The following DAB1 variants were observed in gnomAD, a reference collection of about 807,000 sequenced individuals.
DAB1 encodes the protein DAB adaptor protein 1.
Under a neutral mutation model 64.6 loss-of-function variants are expected in DAB1, and 15 were observed. That is an observed-to-expected ratio of 0.23 (90% confidence interval 0.16 to 0.36). The LOEUF (loss-of-function observed/expected upper bound fraction) is 0.36. Ranked by LOEUF, DAB1 falls within the 10% of genes least tolerant of loss-of-function variation. The probability of loss-of-function intolerance (pLI) is 1.00; values close to 1 mark genes in which losing one functional copy is unlikely to be tolerated. For synonymous variants in DAB1, 235 were observed against 251.9 expected (o/e 0.93, Z 0.64); for missense variants, 596 against 706.7 (o/e 0.84, Z 1.78).
At chr1:58,192,940 C>T (rs575477217) in intron 4 of DAB1, among the ~76,000 whole-genome samples, 5 of 152,196 alleles carry the variant, frequency 3.3e-5, no homozygotes, top group African/African-American at 1.2e-4. Context: ...TGTGAATGTA[C>T]ACTTAGAAAT....
chr1:57,728,159 G>A (rs140507135), intron 6 of DAB1, among the ~76,000 whole-genome samples: 24 of 152,304 alleles, frequency 1.6e-4, no homozygotes, highest in African/African-American at 5.5e-4. Context: ...TGACCTCTGT[G>A]TGCTGCAAAG....
intron 7 of DAB1, among the ~76,000 whole-genome samples, chr1:57,611,894 C>A (rs1259871432): frequency 1.3e-5 from 2 of 152,180 alleles, no homozygotes; most frequent in Non-Finnish European, 2.9e-5. Flanking sequence ...AGAATAAACT[C>A]GAAATTCCAT....
chr1:58,063,746 T>C (rs1016683497), intron 5 of DAB1, among the ~76,000 whole-genome samples: 3 of 152,156 alleles, frequency 2.0e-5, no homozygotes, highest in African/African-American at 4.8e-5. Flanking sequence ...CCCTATGAAG[T>C]AGGTCCTAGA....
chr1:57,121,938 G>A (rs1241541598), intron 4 of DAB1, among the ~76,000 whole-genome samples: 3 of 152,062 alleles, frequency 2.0e-5, no homozygotes, highest in African/African-American at 4.8e-5. Flanking sequence ...TGGTTGTGGG[G>A]GGTCAGCCGG....
At chr1:58,516,161 C>T (rs1347749145) in intron 2 of DAB1, among the ~76,000 whole-genome samples, 1 of 152,036 alleles carries the variant, frequency 6.6e-6, no homozygotes, top group African/African-American at 2.4e-5. Context: ...TCAATAATTC[C>T]CCCCACTTCC....
At chr1:57,831,415 G>A (rs1453117671) in intron 1 of DAB1, among the ~76,000 whole-genome samples, 1 of 151,956 alleles carries the variant, frequency 6.6e-6, no homozygotes, top group Admixed American at 6.6e-5. Flanking sequence ...GTTGAGTTCT[G>A]TGAGTCCTTC....
intron 6 of DAB1, among the ~76,000 whole-genome samples, chr1:57,658,756 GAT>G (rs1395711139): frequency 2.0e-5 from 3 of 152,082 alleles, no homozygotes; most frequent in Non-Finnish European, 4.4e-5. Flanking sequence ...TTTTAGTAGA[GAT>G]GAGGTTTTGC....
At chr1:57,545,269 A>G (rs1248789163) in intron 7 of DAB1, among the ~76,000 whole-genome samples, 1 of 152,136 alleles carries the variant, frequency 6.6e-6, no homozygotes, top group Non-Finnish European at 1.5e-5. Context: ...CCAGCACTCC[A>G]GTTCTTTTCT....
chr1:57,678,760 T>C lies in DAB1; in HGVS notation n.552-29095A>G, dbSNP rs1452981125. ...TCTGGCATTCGTCCAGTGAGGCAAC[T>C]GTTTTTTGTTTTTTTTTTCTTTGTT... On this transcript the variant is annotated intron_variant and non_coding_transcript_variant, in intron 6 of 20. Coordinates refer to the DAB1 transcript ENST00000485760. 3.8e-5 allele frequency among the ~76,000 whole-genome samples: 3 copies of C among 78,368 alleles called. No individual in the cohort carries two copies. The East Asian group carries it at 3.5e-3, about 91-fold the overall frequency. The allele number at this position is 78,368 out of a possible 152,430, so 51.4% of individuals were successfully genotyped here.
chr1:58,464,489 A>G lies in DAB1; in HGVS notation n.257+41571T>C, dbSNP rs1210640112. Among the ~76,000 whole-genome samples, 3 of 152,192 alleles carry G rather than the reference A, an allele frequency of 2.0e-5. No individual in the cohort carries two copies. The East Asian group carries it at 5.8e-4, about 29-fold the overall frequency. On this transcript the variant is annotated intron_variant and non_coding_transcript_variant, in intron 3 of 20. Transcript: ENST00000485760. The stretch of plus-strand genomic sequence containing the variant: ...ATATGCAAGCAGAGAAAAATTATAA[A>G]GCAGCATAAATAAGATGGGTAGGAA...
At chr1:58,307,772 G>T (rs759097741) in intron 4 of DAB1, among the ~76,000 whole-genome samples, 1 of 152,008 alleles carries the variant, frequency 6.6e-6, no homozygotes, top group Non-Finnish European at 1.5e-5. Context: ...TGTGGGGAGT[G>T]GGGGTGGAGG....
chr1:58,386,180 G>A (rs1644430675), intron 3 of DAB1, among the ~76,000 whole-genome samples: 1 of 152,134 alleles, frequency 6.6e-6, no homozygotes, highest in Admixed American at 6.5e-5. Flanking sequence ...CCTATGAAAT[G>A]GAGTGGAAGA....
chr1:57,827,574 G>A (rs542865876), intron 1 of DAB1, among the ~76,000 whole-genome samples: 6 of 152,290 alleles, frequency 3.9e-5, no homozygotes, highest in Non-Finnish European at 8.8e-5. Flanking sequence ...AGTGCCAGGA[G>A]TGCCAGGCAA....
intron 3 of DAB1, among the ~76,000 whole-genome samples, chr1:58,454,296 A>G (rs896507927): frequency 1.3e-5 from 2 of 152,128 alleles, no homozygotes; most frequent in African/African-American, 4.8e-5. Context: ...CTGGGATGCA[A>G]AGTCAAGACT....
intron 1 of DAB1, among the ~76,000 whole-genome samples, chr1:57,378,356 G>T (rs927342057): frequency 6.6e-6 from 1 of 152,324 alleles, no homozygotes; most frequent in East Asian, 1.9e-4. Context: ...AAAGATGAGA[G>T]CCAGGCAATC....
At chr1:58,303,930 C>T (rs1662231078) in intron 4 of DAB1, among the ~76,000 whole-genome samples, 1 of 151,994 alleles carries the variant, frequency 6.6e-6, no homozygotes, top group Non-Finnish European at 1.5e-5. Flanking sequence ...TATTTTTACC[C>T]AGGGACAATA....
At chr1:57,594,797 G>A (rs1307370239) in intron 7 of DAB1, among the ~76,000 whole-genome samples, 11 of 152,058 alleles carry the variant, frequency 7.2e-5, no homozygotes, top group East Asian at 1.9e-4. Flanking sequence ...TGCAAGCTCC[G>A]CCTCCCGGGT....
intron 4 of DAB1, among the ~76,000 whole-genome samples, chr1:58,154,984 G>C (rs1404229563): frequency 3.9e-5 from 6 of 152,180 alleles, no homozygotes; most frequent in African/African-American, 1.2e-4. Flanking sequence ...GAAACCTAGA[G>C]ACTTAGAGGA....
At chr1:58,193,386 G>A (rs912708574) in intron 4 of DAB1, among the ~76,000 whole-genome samples, 1 of 152,156 alleles carries the variant, frequency 6.6e-6, no homozygotes, top group Non-Finnish European at 1.5e-5. Context: ...AGCACCCTGA[G>A]CCAAATAAAC....
Sources: allele counts gnomAD v4.1 joint callset (sites outside exome capture counted in the v4.1 genomes callset), GRCh38; gene constraint gnomAD v4.1.1; transcripts MANE v1.5; gene names NCBI Gene and HGNC (gene_info 2026-07-23, HGNC 2026-07-21).